FOXN1: variants seen among roughly 807,000 people sequenced by gnomAD.
The protein encoded by FOXN1 is forkhead box protein N1.
A neutral mutation model predicts 49.0 loss-of-function variants in FOXN1; 15 were observed. The ratio of observed to expected loss-of-function variants is 0.31; its 90% CI spans 0.20 to 0.47. FOXN1 has a LOEUF of 0.47. Ranked by LOEUF, FOXN1 falls within the 20% of genes least tolerant of loss-of-function variation. The probability of loss-of-function intolerance (pLI) is 1.00; values close to 1 mark genes in which losing one functional copy is unlikely to be tolerated. For missense variants in FOXN1, 800 were observed against 842.8 expected (o/e 0.95, Z 0.63); for synonymous variants, 356 against 369.0 (o/e 0.96, Z 0.40).
chr17:28,528,045 C>T (rs539559417), intron 4 of FOXN1, among the ~76,000 whole-genome samples: 4 of 152,344 alleles, frequency 2.6e-5, no homozygotes, highest in East Asian at 3.9e-4. Context: ...GGCTGCCCAG[C>T]GCCCAGCTCC....
intron 1 of FOXN1, among the ~76,000 whole-genome samples, chr17:28,511,297 C>A (rs1018606622): frequency 6.6e-5 from 10 of 152,174 alleles, no homozygotes; most frequent in Non-Finnish European, 1.0e-4. Context: ...AATTAATATC[C>A]TTAATAATAG....
chr17:28,532,113 G>A (rs544429770), intron 6 of FOXN1, among the ~76,000 whole-genome samples: 1 of 152,254 alleles, frequency 6.6e-6, no homozygotes, highest in African/African-American at 2.4e-5. Flanking sequence ...AGGGCAGAGA[G>A]AGGGAAAAGC....
chr17:28,530,883 G>C (rs1422377468), intron 6 of FOXN1, 38 bp downstream of exon 6: 2 of 1,149,782 alleles, frequency 1.7e-6, no homozygotes, highest in South Asian at 2.4e-5. Context: ...TCACCCCCAA[G>C]TCCTGGACAG....
In FOXN1 at chr17:28,534,937, T is replaced by C; in HGVS notation, c.1366T>C (p.Leu456=). The change falls in exon 8 of 9, where the codon TTG becomes CTG. Residue 456 remains leucine (L), a synonymous_variant. Transcript: ENST00000579795. This position sits in a 1 kb window ranked among gnomAD's most constrained non-coding sequence, Gnocchi z 4.1. ...HTPSCYGQTY[L]HLSPGLAPPG... is the part of the protein sequence containing the mutation. Reference sequence around the variant, plus strand: ...ACCCTCCTGCTATGGGCAGACATACTTGCACCTCTCACCAGGCCTGGCCCC... The same window carrying C: ...ACCCTCCTGCTATGGGCAGACATACCTGCACCTCTCACCAGGCCTGGCCCC... 8.1e-6 allele frequency: 13 copies of C among 1,614,006 alleles called. No individual in the cohort carries two copies. Among genetic ancestry groups the C allele is most frequent in the Non-Finnish European group, 1.1e-5 (13 of 1,179,970 alleles).
chr17:28,518,892 A>G (rs748982895), intron 1 of FOXN1, among the ~76,000 whole-genome samples: 2 of 152,198 alleles, frequency 1.3e-5, no homozygotes. Context: ...AATGGGCTTG[A>G]TGACCTTGCT....
intron 6 of FOXN1, among the ~76,000 whole-genome samples, 194 bp downstream of exon 6, chr17:28,531,039 A>C (rs535099654): frequency 6.6e-6 from 1 of 152,330 alleles, no homozygotes; most frequent in East Asian, 1.9e-4. Context: ...CAAGTGGGGA[A>C]CAGAGAGCCC....
At chr17:28,506,553 AG>A (rs2069266266) in intron 1 of FOXN1, 110 bp downstream of exon 1, 1 of 152,350 alleles carries the variant, frequency 6.6e-6, no homozygotes, top group Non-Finnish European at 1.5e-5. Context: ...GGGAGCACCC[AG>A]GTTCTCACTG....
At chr17:28,529,900 T>C (rs1032742021) in intron 5 of FOXN1, among the ~76,000 whole-genome samples, 11 of 152,038 alleles carry the variant, frequency 7.2e-5, no homozygotes, top group Admixed American at 2.0e-4. Flanking sequence ...CTGAAAGACA[T>C]ACACGCAGCT....
At chr17:28,524,224 C>G (rs901912093) in intron 2 of FOXN1, 132 bp downstream of exon 2, 2 of 927,126 alleles carry the variant, frequency 2.2e-6, no homozygotes, top group Non-Finnish European at 3.2e-6. Flanking sequence ...GCAAACAAGT[C>G]CTCAGGGACC....
At chr17:28,521,934 G>A (rs531698305) in intron 1 of FOXN1, among the ~76,000 whole-genome samples, 1 of 152,348 alleles carries the variant, frequency 6.6e-6, no homozygotes, top group South Asian at 2.1e-4. Context: ...CAGCTGCCCT[G>A]CTCTGGCTTG....
intron 8 of FOXN1, among the ~76,000 whole-genome samples, chr17:28,536,666 G>C (rs143386481): frequency 6.6e-6 from 1 of 152,194 alleles, no homozygotes; most frequent in African/African-American, 2.4e-5. Context: ...CCATTCCCTG[G>C]GCCCTGCAGT....
intron 1 of FOXN1, among the ~76,000 whole-genome samples, chr17:28,510,232 C>T (rs1555606787): frequency 6.6e-6 from 1 of 152,152 alleles, no homozygotes; most frequent in Admixed American, 6.5e-5. Context: ...GCCTTCAGGG[C>T]TCCCCCCACT....
rs112744060 is a variant in FOXN1, at chr17:28,538,268, C to T, written c.*832C>T. ...TCCCCAGTCCCGGGTGCAGGAAGGG[C>T]CCCCTCCAGGTCACCACAATCTCAC... On this transcript the variant is annotated 3_prime_UTR_variant, in exon 9 of 9. Coordinates refer to ENST00000579795, the MANE Select transcript of FOXN1 (RefSeq NM_001369369.1). The T allele has an allele frequency of 0.039, 5,992 of 152,238 alleles. 190 individuals carry two copies. The highest frequency in any genetic ancestry group is 0.055 in the Admixed American group (838 of 15,282). The allele number at this position is 152,238 out of a possible 1,614,324, so 9.4% of individuals were successfully genotyped here. A position where few individuals can be genotyped will look rare whatever the true frequency, so the allele number is the denominator to read the frequency against.
chr17:28,525,060 C>T (rs1484124347), intron 3 of FOXN1, 93 bp downstream of exon 3: 1 of 1,019,126 alleles, frequency 9.8e-7, no homozygotes, highest in Non-Finnish European at 1.5e-6. Flanking sequence ...CAAAGTCCCA[C>T]CTTCTCTTTG....
rs553314806 is a variant in FOXN1, at chr17:28,508,923, GAC to G, written c.-15+2482_-15+2483del. 1.1e-3 allele frequency among the ~76,000 whole-genome samples: 165 copies of G among 151,820 alleles called. 2 individuals carry two copies. In the Middle Eastern group the frequency reaches 0.014, roughly 13 times the overall value. On this transcript the variant is annotated intron_variant, in intron 1 of 8. Transcript: ENST00000579795. The stretch of plus-strand genomic sequence containing the variant: ...ATTGGCTTCTGCAGCAGGAGTGACT[GAC>G]AGAGTTCAGAGAAAGTTCTCAGCAT...
intron 1 of FOXN1, among the ~76,000 whole-genome samples, chr17:28,514,574 C>A (rs903262886): frequency 6.6e-6 from 1 of 152,152 alleles, no homozygotes; most frequent in Non-Finnish European, 1.5e-5. Context: ...TGCCGAGCTG[C>A]TCCAGGGGAC....
chr17:28,532,843 G>A lies in FOXN1; in HGVS notation c.928-1488G>A, dbSNP rs1458810703. Among the ~76,000 whole-genome samples the A allele has an allele frequency of 2.0e-5, 3 of 152,298 alleles. No homozygotes were observed. In the South Asian group the frequency reaches 6.2e-4, roughly 32 times the overall value. The stretch of plus-strand genomic sequence containing the variant: ...AGTGGCTGGGGTGGGGGCTGCCCTG[G>A]CATCCCAAAGTCACAGATTCATGGG... On this transcript the variant is annotated intron_variant, in intron 6 of 8. Transcript: ENST00000579795.
chr17:28,506,451 G>A lies in FOXN1; in HGVS notation c.-15+8G>A, dbSNP rs369581621. ...ACCTGCTTCACTGAGCAGGTAAGAG[G>A]AGCCCCGGCCCAAGTCAGCCGTGGA... On this transcript the variant is annotated splice_region_variant and intron_variant, in intron 1 of 8. Coordinates refer to ENST00000579795, the MANE Select transcript of FOXN1 (RefSeq NM_001369369.1). 3 of 152,416 alleles carry A rather than the reference G, an allele frequency of 2.0e-5. No individual in the cohort carries two copies. The highest frequency in any genetic ancestry group is 2.1e-4 in the South Asian group (1 of 4,832). The allele number at this position is 152,416 out of a possible 1,614,324, so 9.4% of individuals were successfully genotyped here. A position where few individuals can be genotyped will look rare whatever the true frequency, so the allele number is the denominator to read the frequency against.
rs774712637 is a variant in FOXN1 at position 28,534,289 on chromosome 17, C to T, written c.928-42C>T. Reference sequence around the variant, plus strand: ...CCAGACCTGAAGCCCGCTCTGGCTTCCTGAGCCTGGCCTGAATGCTTGTCT... The same window carrying T: ...CCAGACCTGAAGCCCGCTCTGGCTTTCTGAGCCTGGCCTGAATGCTTGTCT... On this transcript the variant is annotated intron_variant, in intron 6 of 8. Coordinates refer to ENST00000579795, the MANE Select transcript of FOXN1 (RefSeq NM_001369369.1). This position sits in a 1 kb window ranked among gnomAD's most constrained non-coding sequence, Gnocchi z 4.1. 13 of 1,613,770 alleles carry T rather than the reference C, an allele frequency of 8.1e-6. No individual in the cohort carries two copies. In the South Asian group the frequency reaches 1.4e-4, roughly 18 times the overall value.
Sources: gnomAD v4.1 joint callset for allele counts (sites outside exome capture counted in the v4.1 genomes callset) on GRCh38, gnomAD v4.1.1 for gene constraint, Gnocchi (gnomAD v3.1) non-coding constraint, MANE v1.5 for transcripts, NCBI Gene and HGNC (gene_info 2026-07-23, HGNC 2026-07-21) for gene names.